ARHGAP24: variants seen among roughly 807,000 people sequenced by gnomAD.
ARHGAP24 encodes the protein rho GTPase-activating protein 24.
ARHGAP24 carries 50 observed loss-of-function variants against 76.4 expected under a neutral mutation model. That is an observed-to-expected ratio of 0.65 (90% CI 0.52 to 0.83). ARHGAP24 has a LOEUF of 0.83. ARHGAP24 is among the 40% of genes least tolerant of loss of function. ARHGAP24 has a pLI of 0.00. For synonymous variants in ARHGAP24, 345 were observed against 323.3 expected, an observed-to-expected ratio of 1.07 and a Z score of -0.72; for missense variants, 930 against 914.2, an observed-to-expected ratio of 1.02 and a Z score of -0.22.
At chr4:85,625,575 A>G (rs7698610) in intron 2 of ARHGAP24, among the ~76,000 whole-genome samples, 50,007 of 152,016 alleles carry the variant, frequency 0.33, 9,265 homozygotes, top group East Asian at 0.84. Context: ...AGTTCTGTAG[A>G]TGTCTATTAG....
intron 2 of ARHGAP24, among the ~76,000 whole-genome samples, chr4:85,668,327 A>C (rs1431243637): frequency 1.3e-5 from 2 of 152,234 alleles, no homozygotes; most frequent in Admixed American, 6.5e-5. Context: ...TCATTCCTTC[A>C]TCTATCTATT....
intron 3 of ARHGAP24, among the ~76,000 whole-genome samples, chr4:85,871,529 C>T (rs1337593445): frequency 3.9e-5 from 6 of 152,030 alleles, no homozygotes; most frequent in East Asian, 1.9e-4. Context: ...ACACATATTC[C>T]ACGAAACCTA....
chr4:85,566,355 G>A (rs1726845102), intron 1 of ARHGAP24, among the ~76,000 whole-genome samples: 2 of 152,160 alleles, frequency 1.3e-5, no homozygotes, highest in South Asian at 2.1e-4. Flanking sequence ...AATTGGTTAT[G>A]TGTATTTCCT....
At chr4:85,538,972 C>T (rs1725577442) in intron 1 of ARHGAP24, among the ~76,000 whole-genome samples, 1 of 152,098 alleles carries the variant, frequency 6.6e-6, no homozygotes, top group Non-Finnish European at 1.5e-5. Flanking sequence ...AATTCGTTTC[C>T]ACTTTTCTGC....
At chr4:85,955,505 C>T (rs927394551) in intron 5 of ARHGAP24, among the ~76,000 whole-genome samples, 3 of 152,180 alleles carry the variant, frequency 2.0e-5, no homozygotes, top group Admixed American at 2.0e-4. Flanking sequence ...CTGTTTCATG[C>T]CTGTCTCTTA....
At chr4:85,848,067 A>T (rs762780097) in intron 3 of ARHGAP24, among the ~76,000 whole-genome samples, 5 of 152,186 alleles carry the variant, frequency 3.3e-5, no homozygotes, top group Non-Finnish European at 5.9e-5. Context: ...CACACAATCT[A>T]TACAGTGAGG....
intron 3 of ARHGAP24, among the ~76,000 whole-genome samples, chr4:85,913,817 A>G (rs1436566171): frequency 6.6e-6 from 1 of 152,184 alleles, no homozygotes; most frequent in Non-Finnish European, 1.5e-5. Flanking sequence ...TGAGTCTTGC[A>G]GATTTGTAAT....
chr4:85,476,736 C>T (rs768462691), intron 1 of ARHGAP24, among the ~76,000 whole-genome samples: 42 of 152,108 alleles, frequency 2.8e-4, no homozygotes, highest in African/African-American at 4.1e-4. Flanking sequence ...AAATGGATGA[C>T]GCTATTGAAC....
chr4:85,764,805 G>A (rs1043800308), intron 3 of ARHGAP24, among the ~76,000 whole-genome samples: 4 of 152,044 alleles, frequency 2.6e-5, no homozygotes, highest in African/African-American at 7.2e-5. Context: ...TCTCCTCTTC[G>A]TTACTGTAAT....
At position 85,994,980 on chromosome 4, in the gene ARHGAP24, T is replaced by C. The variant is rs776306351; in HGVS notation, c.1326T>C (p.Asn442=). ...IVTNGSFSSS[N]AEGLEKTQTT... ...CCAATGGGTCCTTCAGCAGCAGTAA[T>C]GCAGAAGGTCTTGAGAAAACCCAAA... is the stretch of plus-strand genomic sequence containing the variant. The change falls in exon 9 of 10, where the codon AAT becomes AAC. Residue 442 remains asparagine, a synonymous_variant. Coordinates refer to ENST00000395184, the MANE Select transcript of ARHGAP24 (RefSeq NM_001025616.3). The C allele has an allele frequency of 1.5e-5, 25 of 1,614,014 alleles. No homozygotes were observed. Among genetic ancestry groups the C allele is most frequent in the Non-Finnish European group, 2.1e-5 (25 of 1,180,034 alleles).
intron 8 of ARHGAP24, among the ~76,000 whole-genome samples, chr4:85,993,654 C>T (rs774243395): frequency 2.0e-5 from 3 of 152,132 alleles, no homozygotes; most frequent in Non-Finnish European, 4.4e-5. Flanking sequence ...ATTTTCTTCA[C>T]CAAATCTCAA....
At position 86,001,287 on chromosome 4, in the gene ARHGAP24, T is replaced by G. The variant is rs780253086; in HGVS notation, c.*565T>G. On this transcript the variant is annotated 3_prime_UTR_variant, in exon 10 of 10. Coordinates refer to ENST00000395184, the MANE Select transcript of ARHGAP24 (RefSeq NM_001025616.3). ...TGACCAAAAAGAGAAATGTAAATAGTTTTATAAAATACAGTCGAATCACCA... is the reference window on the plus strand; with the variant it reads ...TGACCAAAAAGAGAAATGTAAATAGGTTTATAAAATACAGTCGAATCACCA... 3.4e-4 allele frequency: 137 copies of G among 398,866 alleles called. 1 individual carries two copies. Among genetic ancestry groups the G allele is most frequent in the Non-Finnish European group, 5.3e-4 (120 of 226,084 alleles). 24.7% of individuals were successfully genotyped at this position (398,866 alleles called of 1,614,324 possible).
intron 2 of ARHGAP24, among the ~76,000 whole-genome samples, chr4:85,664,111 G>A (rs2109995003): frequency 6.6e-6 from 1 of 151,454 alleles, no homozygotes; most frequent in East Asian, 1.9e-4. Flanking sequence ...TGTACCTCTG[G>A]TAGAATTCGG....
At chr4:85,628,075 C>G (rs1248570555) in intron 2 of ARHGAP24, among the ~76,000 whole-genome samples, 2 of 152,150 alleles carry the variant, frequency 1.3e-5, no homozygotes, top group African/African-American at 4.8e-5. Context: ...GTGTGCCGCA[C>G]CCACTTTCCT....
At chr4:85,516,073 C>A (rs930503837) in intron 1 of ARHGAP24, among the ~76,000 whole-genome samples, 3 of 152,190 alleles carry the variant, frequency 2.0e-5, no homozygotes, top group African/African-American at 7.2e-5. Context: ...TTTGCACATT[C>A]TTCCCAGGTC....
At chr4:85,839,843 C>CTTTTTTTTTTTTTTTTTTTTTTTTTT in intron 3 of ARHGAP24, among the ~76,000 whole-genome samples, 1 of 105,628 alleles carries the variant, frequency 9.5e-6, no homozygotes, top group Non-Finnish European at 1.8e-5. Context: ...TTTCTGTTTT[C>CTTTTTTTTTTTTTTTTTTTTTTTTTT]TTTTTTTTTT....
At chr4:85,523,882 C>T (rs777147668) in intron 1 of ARHGAP24, among the ~76,000 whole-genome samples, 11 of 151,586 alleles carry the variant, frequency 7.3e-5, no homozygotes, top group Admixed American at 2.6e-4. Context: ...TTCTTTACAA[C>T]GGAGTTAAAA....
chr4:85,666,628 A>T (rs1453420117), intron 2 of ARHGAP24, among the ~76,000 whole-genome samples: 1 of 151,982 alleles, frequency 6.6e-6, no homozygotes, highest in Non-Finnish European at 1.5e-5. Flanking sequence ...TTGTGGGTTT[A>T]TCTACTTTTG....
intron 2 of ARHGAP24, among the ~76,000 whole-genome samples, chr4:85,705,503 T>C (rs903647466): frequency 6.6e-6 from 1 of 152,206 alleles, no homozygotes; most frequent in Admixed American, 6.5e-5. Context: ...CCTGTAGAGA[T>C]AGCAACATTT....
Sources: gnomAD v4.1 joint callset for allele counts (sites outside exome capture counted in the v4.1 genomes callset) on GRCh38, gnomAD v4.1.1 for gene constraint, MANE v1.5 for transcripts, NCBI Gene and HGNC (gene_info 2026-07-23, HGNC 2026-07-21) for gene names.